Variants in TRPM7 observed in about 807,000 individuals in gnomAD.
TRPM7 encodes the protein LTRPC ion channel family member 7.
A neutral mutation model predicts 229.7 loss-of-function variants in TRPM7; 134 were observed. That is an observed-to-expected ratio of 0.58 (90% CI 0.51 to 0.67). The LOEUF is 0.67. TRPM7 is among the 30% of genes least tolerant of loss of function. The probability of loss-of-function intolerance (pLI) is 0.00; values close to 1 mark genes in which losing one functional copy is unlikely to be tolerated. For missense variants in TRPM7, 1,901 were observed against 2,210.0 expected, an observed-to-expected ratio of 0.86 and a Z score of 2.80; for synonymous variants, 699 against 715.2, an observed-to-expected ratio of 0.98 and a Z score of 0.36.
rs1436344784 is a variant in TRPM7 at position 50,635,685 on chromosome 15, AAAAAAAG to A, written c.833-1136_833-1130del. 3.5e-3 allele frequency among the ~76,000 whole-genome samples: 239 copies of A among 67,668 alleles called. 19 individuals are homozygous for A. The highest frequency in any genetic ancestry group is 9.6e-3 in the Admixed American group (41 of 4,266). 44.4% of individuals were successfully genotyped at this position (67,668 alleles called of 152,430 possible). ...CTCCCAAAAAAAAAAAAAAAAAAAA[AAAAAAAG>A]AGGACGGCTGGGTATGGTGGCTCAT... On this transcript the variant is annotated intron_variant, in intron 7 of 38. Transcript: ENST00000646667.
intron 22 of TRPM7, among the ~76,000 whole-genome samples, chr15:50,596,875 C>T (rs996052821): frequency 3.3e-5 from 5 of 152,148 alleles, no homozygotes; most frequent in Non-Finnish European, 7.3e-5. Flanking sequence ...CTCAGCCGCC[C>T]GAATAGCTGG....
intron 6 of TRPM7, among the ~76,000 whole-genome samples, 181 bp downstream of exon 6, chr15:50,639,243 G>A (rs958343719): frequency 3.9e-5 from 6 of 152,152 alleles, no homozygotes; most frequent in African/African-American, 1.4e-4. Flanking sequence ...ATTATTTATA[G>A]TTATGAATTA....
chr15:50,618,873 A>G (rs1179933708), intron 13 of TRPM7, among the ~76,000 whole-genome samples: 5 of 152,098 alleles, frequency 3.3e-5, no homozygotes. Flanking sequence ...AAAACGTGGT[A>G]TTTGACTAAG....
At chr15:50,646,588 A>C (rs1386202042) in intron 4 of TRPM7, among the ~76,000 whole-genome samples, 1 of 152,160 alleles carries the variant, frequency 6.6e-6, no homozygotes, top group Non-Finnish European at 1.5e-5. Flanking sequence ...CAAGGTTAAA[A>C]TGTTCAAATC....
intron 1 of TRPM7, among the ~76,000 whole-genome samples, chr15:50,671,031 A>G (rs1358879296): frequency 6.6e-6 from 1 of 152,170 alleles, no homozygotes; most frequent in African/African-American, 2.4e-5. Context: ...GCTAATTATC[A>G]TATACATTGC....
intron 30 of TRPM7, 40 bp from the exon 31 acceptor site, chr15:50,578,704 G>C: frequency 6.8e-7 from 1 of 1,466,934 alleles, no homozygotes. Flanking sequence ...GCTGTGCTAT[G>C]ATTTAAGTTT....
chr15:50,678,517 A>AAAAATAT (rs1234712751), intron 1 of TRPM7, among the ~76,000 whole-genome samples: 5 of 132,720 alleles, frequency 3.8e-5, no homozygotes, highest in African/African-American at 1.1e-4. Flanking sequence ...AAAAAAAAAA[A>AAAAATAT]ATATATATAT....
At chr15:50,562,772 CAAAA>C (rs537634338) in intron 38 of TRPM7, among the ~76,000 whole-genome samples, 1 of 80,864 alleles carries the variant, frequency 1.2e-5, no homozygotes, top group Non-Finnish European at 2.7e-5. Flanking sequence ...GATCCTGTCT[CAAAA>C]AAAAAAAAAA....
chr15:50,586,363 G>T, intron 28 of TRPM7, 29 bp downstream of exon 28: 2 of 1,380,524 alleles, frequency 1.4e-6, no homozygotes, highest in South Asian at 2.3e-5. Flanking sequence ...TATGTTTTCT[G>T]ACACTATTCA....
rs45465791 is a variant in TRPM7 at position 50,632,929 on chromosome 15, G to A, written c.1071C>T (p.Gly357=). The change falls in exon 9 of 39, where the codon GGC becomes GGT. Residue 357 remains glycine, a synonymous_variant. Transcript: ENST00000646667. Reference sequence around the variant, plus strand: ...GAAATAAATGAAGTGCTTCATTCTGGCCAAAGTTAAATGTTTTTTTGATAG... The same window carrying A: ...GAAATAAATGAAGTGCTTCATTCTGACCAAAGTTAAATGTTTTTTTGATAG... The part of the protein sequence containing the change: ...ISTIKKTFNF[G]QNEALHLFQT... The A allele has an allele frequency of 7.5e-6, 12 of 1,605,086 alleles. No homozygotes were observed. Among genetic ancestry groups the A allele is most frequent in the Non-Finnish European group, 1.0e-5 (12 of 1,176,554 alleles).
chr15:50,581,720 T>G (rs1332847170), intron 29 of TRPM7, among the ~76,000 whole-genome samples: 1 of 152,136 alleles, frequency 6.6e-6, no homozygotes, highest in Non-Finnish European at 1.5e-5. Flanking sequence ...TGAGACTCAT[T>G]CTGCCCGAAT....
intron 13 of TRPM7, among the ~76,000 whole-genome samples, chr15:50,617,172 AAATAAATAAAAT>A (rs1160587378): frequency 7.7e-6 from 1 of 130,140 alleles, no homozygotes; most frequent in Non-Finnish European, 1.7e-5. Flanking sequence ...ATAAATAAAT[AAATAAATAAAAT>A]AAATTAGCCA....
chr15:50,595,196 AAAAAT>A (rs2140378644), intron 23 of TRPM7, among the ~76,000 whole-genome samples: 1 of 152,130 alleles, frequency 6.6e-6, no homozygotes, highest in African/African-American at 2.4e-5. Context: ...GGCTGTCTCA[AAAAAT>A]AAAATAAAAT....
intron 10 of TRPM7, among the ~76,000 whole-genome samples, chr15:50,629,707 T>C (rs1244366088): frequency 6.6e-6 from 1 of 152,138 alleles, no homozygotes; most frequent in Non-Finnish European, 1.5e-5. Flanking sequence ...TTCTATTCCT[T>C]AGTTTCCTCA....
chr15:50,628,260 A>G lies in TRPM7; in HGVS notation c.1205-11T>C, dbSNP rs1567039219. On this transcript the variant is annotated splice_polypyrimidine_tract_variant and intron_variant, in intron 10 of 38. Coordinates refer to ENST00000646667, the MANE Select transcript of TRPM7 (RefSeq NM_017672.6). ...CAGATGCATTAGTACCTAATCGAAT[A>G]AAGAAAATAGTTGACAGGTTCAATT... is the stretch of plus-strand genomic sequence containing the variant. 1 of 1,580,156 alleles carries G rather than the reference A, an allele frequency of 6.3e-7. No homozygotes were observed.
rs1454187291 is a variant in TRPM7 at position 50,604,685 on chromosome 15, G to A, written c.2988+181C>T. ...CATTATCTTGCAAAGCACTAAATGGGTATAGGGGATTGGGATTGAGCATGA... is the reference window on the plus strand; with the variant it reads ...CATTATCTTGCAAAGCACTAAATGGATATAGGGGATTGGGATTGAGCATGA... On this transcript the variant is annotated intron_variant, in intron 21 of 38. Coordinates refer to ENST00000646667, the MANE Select transcript of TRPM7 (RefSeq NM_017672.6). 1.8e-5 allele frequency: 11 copies of A among 599,048 alleles called. No individual in the cohort carries two copies. The East Asian group carries it at 2.9e-4, about 16-fold the overall frequency. 37.1% of individuals were successfully genotyped at this position (599,048 alleles called of 1,614,324 possible).
At chr15:50,616,282 T>TAA (rs1855720033) in intron 13 of TRPM7, among the ~76,000 whole-genome samples, 1 of 152,184 alleles carries the variant, frequency 6.6e-6, no homozygotes, top group African/African-American at 2.4e-5. Flanking sequence ...ATTTATCACT[T>TAA]ATAGAAATAA....
chr15:50,641,258 G>C (rs1240041816), intron 5 of TRPM7, among the ~76,000 whole-genome samples: 3 of 152,058 alleles, frequency 2.0e-5, no homozygotes. Context: ...ACTGCCTACT[G>C]CCTCTACTAG....
intron 1 of TRPM7, 134 bp downstream of exon 1, chr15:50,686,397 C>G: frequency 6.8e-7 from 1 of 1,470,572 alleles, no homozygotes; most frequent in South Asian, 1.2e-5. Flanking sequence ...AGGACAAATC[C>G]GGAAGCCTCA....
Sources: allele counts gnomAD v4.1 joint callset (sites outside exome capture counted in the v4.1 genomes callset), GRCh38; gene constraint gnomAD v4.1.1; transcripts MANE v1.5; gene names NCBI Gene and HGNC (gene_info 2026-07-23, HGNC 2026-07-21).